PFKL: variants seen among roughly 807,000 people sequenced by gnomAD.
The protein encoded by PFKL is ATP-dependent 6-phosphofructokinase, liver type.
Under a neutral mutation model 92.1 loss-of-function variants are expected in PFKL, and 74 were observed. The observed-to-expected ratio is 0.80, with a 90% CI of 0.67 to 0.97. The LOEUF (loss-of-function observed/expected upper bound fraction) is 0.97, where lower values mean the gene tolerates loss of function less well. Among genes scored for constraint, PFKL ranks in the 50% least tolerant of loss-of-function variants. PFKL has a pLI of 0.00. For synonymous variants in PFKL, 494 were observed against 456.4 expected (o/e 1.08, Z -1.05); for missense variants, 1,028 against 1,116.6 (o/e 0.92, Z 1.13).
intron 19 of PFKL, chr21:44,325,643 G>A (rs1568974119): frequency 2.0e-6 from 1 of 496,584 alleles, no homozygotes; most frequent in Non-Finnish European, 3.6e-6. Context: ...GGGAGTCAGG[G>A]TGGCTGGGCA....
At chr21:44,307,033 G>C (rs1169588366) in intron 2 of PFKL, among the ~76,000 whole-genome samples, 3 of 152,168 alleles carry the variant, frequency 2.0e-5, no homozygotes, top group Admixed American at 6.5e-5. Context: ...ACAAGGAGTC[G>C]AGGCCCTGCC....
chr21:44,324,760 G>A lies in PFKL; in HGVS notation c.1816-96G>A, dbSNP rs527288187. ...AGGGCAGGGCCCGGGCAGGTGGGAC[G>A]CGTAGCCCAGTGCTCCTGCTGGCCC... On this transcript the variant is annotated intron_variant, in intron 17 of 21. Coordinates refer to ENST00000349048, the MANE Select transcript of PFKL (RefSeq NM_002626.6). 8.2e-5 allele frequency: 128 copies of A among 1,568,560 alleles called. No homozygotes were observed. The East Asian group carries it at 1.8e-3, about 22-fold the overall frequency.
At chr21:44,306,573 TG>T in intron 1 of PFKL, 107 bp from the exon 2 acceptor site, 1 of 883,214 alleles carries the variant, frequency 1.1e-6, no homozygotes, top group Non-Finnish European at 1.8e-6. Flanking sequence ...CCCTCTGAGA[TG>T]GACAGGGTGT....
chr21:44,313,596 G>C, intron 5 of PFKL, 42 bp from the exon 6 acceptor site: 1 of 1,589,952 alleles, frequency 6.3e-7, no homozygotes, highest in Non-Finnish European at 8.6e-7. Context: ...TGGCAGGGCC[G>C]TGTGGCTGGC....
In PFKL at chr21:44,316,375, G is replaced by C. The variant is rs749359665; in HGVS notation, c.843+36G>C. The C allele has an allele frequency of 1.6e-5, 25 of 1,609,990 alleles. No homozygotes were observed. In the Admixed American group the frequency reaches 4.2e-4, roughly 27 times the overall value. On this transcript the variant is annotated intron_variant, in intron 8 of 21. Coordinates refer to ENST00000349048, the MANE Select transcript of PFKL (RefSeq NM_002626.6). ...GCCTGGGGGTGGCCACTGGGCACCT[G>C]CTCCTCTAGGCCGTGTGGGCTGGGG...
chr21:44,322,108 C>A (rs1173288547), intron 13 of PFKL, 25 bp from the exon 14 acceptor site: 1 of 1,595,900 alleles, frequency 6.3e-7, no homozygotes, highest in Non-Finnish European at 8.5e-7. Context: ...AGGCTGGCCC[C>A]TGAAGCTGCA....
At position 44,320,070 on chromosome 21, in the gene PFKL, C is replaced by T. The variant is rs919518521; in HGVS notation, c.1128-14C>T. On this transcript the variant is annotated splice_polypyrimidine_tract_variant and intron_variant, in intron 11 of 21. Coordinates refer to ENST00000349048, the MANE Select transcript of PFKL (RefSeq NM_002626.6). ...CTGCAGGGCTGTGCATGGTGTGACC[C>T]GAATCCCTTCCAGGAGCTTCGAGAA... The T allele has an allele frequency of 1.3e-5, 21 of 1,612,406 alleles. 1 individual carries two copies. Among genetic ancestry groups the T allele is most frequent in the African/African-American group, 5.3e-5 (4 of 75,032 alleles).
Position 44,300,085 on chromosome 21 carries a change from G to A in PFKL, c.-21G>A, listed in dbSNP as rs1255080361. ...CGCAGGCGGCGGGAGTGCGAGCTGG[G>A]CCCGTGTTTCGGCCGCCGCCATGGC... On this transcript the variant is annotated 5_prime_UTR_variant, in exon 1 of 22. Transcript: ENST00000349048. The A allele has an allele frequency of 3.6e-6, 4 of 1,107,746 alleles. No individual in the cohort carries two copies. In the East Asian group the frequency reaches 2.6e-4, roughly 71 times the overall value. The allele number at this position is 1,107,746 out of a possible 1,614,324, so 68.6% of individuals were successfully genotyped here.
chr21:44,326,271 TCCA>T lies in PFKL; in HGVS notation c.2195+11_2195+13del. 6.3e-7 allele frequency: 1 copy of T among 1,598,790 alleles called. No individual in the cohort carries two copies. Among genetic ancestry groups the T allele is most frequent in the Non-Finnish European group, 8.6e-7 (1 of 1,168,312 alleles). Reference sequence around the variant, plus strand: ...AGAAAGACACTGATTTCGAGTGAGTTCCACCAAAGCCTCGTGGAGGCGGGTGGG... The same window carrying T: ...AGAAAGACACTGATTTCGAGTGAGTTCCAAAGCCTCGTGGAGGCGGGTGGG... On this transcript the variant is annotated splice_region_variant and intron_variant, in intron 21 of 21. Transcript: ENST00000349048.
At chr21:44,312,840 G>T (rs1327839142) in intron 4 of PFKL, 138 bp from the exon 5 acceptor site, 2 of 814,650 alleles carry the variant, frequency 2.5e-6, no homozygotes, top group Non-Finnish European at 3.9e-6. Context: ...GGCAGGAGGA[G>T]GCTGAGCCTG....
chr21:44,314,067 C>T (rs759548127), intron 7 of PFKL, 46 bp downstream of exon 7: 67 of 1,336,940 alleles, frequency 5.0e-5, no homozygotes, highest in Non-Finnish European at 6.7e-5. Flanking sequence ...TCCTGGTGCA[C>T]TGGGTAGCGC....
chr21:44,323,972 C>A (rs913567442), intron 16 of PFKL, 54 bp downstream of exon 16: 2 of 1,601,554 alleles, frequency 1.2e-6, no homozygotes, highest in Non-Finnish European at 1.7e-6. Flanking sequence ...TGGGGTGGGG[C>A]TGAGCCTACG....
intron 3 of PFKL, 48 bp downstream of exon 3, chr21:44,311,131 GACAC>G (rs768006789): frequency 7.0e-7 from 1 of 1,425,360 alleles, no homozygotes; most frequent in Admixed American, 1.8e-5. Flanking sequence ...CTCGCAGACA[GACAC>G]ACAGAGACAG....
At chr21:44,325,688 G>A (rs914551802) in intron 19 of PFKL, 41 of 519,202 alleles carry the variant, frequency 7.9e-5, no homozygotes, top group Non-Finnish European at 1.1e-4. Flanking sequence ...AGGTGGGGCC[G>A]CTGGCTGCCG....
Position 44,316,810 on chromosome 21 carries a change from C to T in PFKL, c.936+286C>T, listed in dbSNP as rs558343608. Among the ~76,000 whole-genome samples, 6 of 152,222 alleles carry T rather than the reference C, an allele frequency of 3.9e-5. No homozygotes were observed. The East Asian group carries it at 1.2e-3, about 29-fold the overall frequency. ...AAGCTGTTGCTCCTCCTGGGGGAGACTGAGGCCTGGCTTCTCCGTTCCCCT... is the reference window on the plus strand; with the variant it reads ...AAGCTGTTGCTCCTCCTGGGGGAGATTGAGGCCTGGCTTCTCCGTTCCCCT... On this transcript the variant is annotated intron_variant, in intron 9 of 21. Coordinates refer to ENST00000349048, the MANE Select transcript of PFKL (RefSeq NM_002626.6).
chr21:44,305,408 C>A (rs750815422), intron 1 of PFKL: 2 of 1,362,788 alleles, frequency 1.5e-6, no homozygotes, highest in African/African-American at 1.5e-5. Flanking sequence ...TGAGCAGGAG[C>A]CCCCAGCAGG....
intron 2 of PFKL, chr21:44,307,349 G>A (rs930320783): frequency 2.0e-6 from 2 of 979,410 alleles, no homozygotes; most frequent in East Asian, 2.3e-4. Context: ...ACCCACACTT[G>A]CGCTCACACA....
chr21:44,318,568 G>A lies in PFKL; in HGVS notation c.1035G>A (p.Arg345=), dbSNP rs145858542. Residue 345 remains arginine, a synonymous_variant, in exon 10 of 22, where the codon CGG becomes CGA. Coordinates refer to ENST00000349048, the MANE Select transcript of PFKL (RefSeq NM_002626.6). ...CCCTCTCGGGGAACCAGTCAGTGCG[G>A]CTGCCCCTCATGGAGTGCGTGCAGA... ...VVTLSGNQSV[R]LPLMECVQMT... is the part of the protein sequence containing the mutation. The A allele has an allele frequency of 3.2e-6, 5 of 1,552,680 alleles. No individual in the cohort carries two copies. The highest frequency in any genetic ancestry group is 2.4e-5 in the East Asian group (1 of 41,596).
chr21:44,313,358 G>A (rs1278178452), intron 5 of PFKL, among the ~76,000 whole-genome samples: 1 of 152,226 alleles, frequency 6.6e-6, no homozygotes, highest in African/African-American at 2.4e-5. Context: ...CCCTTCTGAG[G>A]GGCAGCTGCT....
Sources: gnomAD v4.1 joint callset for allele counts (sites outside exome capture counted in the v4.1 genomes callset) on GRCh38, gnomAD v4.1.1 for gene constraint, MANE v1.5 for transcripts, NCBI Gene and HGNC (gene_info 2026-07-23, HGNC 2026-07-21) for gene names.